The following ZSCAN31 variants were observed in gnomAD, a reference collection of about 807,000 sequenced individuals.
The protein encoded by ZSCAN31 is zinc finger and SCAN domain containing 31.
Under a neutral mutation model 22.5 loss-of-function variants are expected in ZSCAN31, and 14 were observed. That is an observed-to-expected ratio of 0.62 (90% CI 0.41 to 0.97). ZSCAN31 has a LOEUF of 0.97. Ranked by LOEUF, ZSCAN31 falls within the 50% of genes least tolerant of loss-of-function variation. ZSCAN31 has a pLI of 0.00. For synonymous variants in ZSCAN31, 168 were observed against 169.8 expected, an observed-to-expected ratio of 0.99 and a Z score of 0.08; for missense variants, 424 against 483.4, an observed-to-expected ratio of 0.88 and a Z score of 1.15.
rs1195768578 is a variant in ZSCAN31, at chr6:28,351,681, CCT to C, written c.-371+2179_-371+2180del. Among the ~76,000 whole-genome samples, 1 of 151,392 alleles carries C rather than the reference CCT, an allele frequency of 6.6e-6. No homozygotes were observed. Among genetic ancestry groups the C allele is most frequent in the Admixed American group, 6.6e-5 (1 of 15,164 alleles). ...TTCCCTTTTACTTCCTCCCTCTTTCCCTCTCTCCTTTCTTTCCCTCTCCCTCC... is the reference window on the plus strand; with the variant it reads ...TTCCCTTTTACTTCCTCCCTCTTTCCCTCTCCTTTCTTTCCCTCTCCCTCC... On this transcript the variant is annotated intron_variant, in intron 2 of 7. Coordinates refer to the ZSCAN31 transcript ENST00000396838. The surrounding 1 kb of genome is among the most constrained non-coding windows in gnomAD (Gnocchi z 4.6).
At chr6:28,344,934 A>C (rs1764575214) in intron 2 of ZSCAN31, among the ~76,000 whole-genome samples, 1 of 151,442 alleles carries the variant, frequency 6.6e-6, no homozygotes, top group Non-Finnish European at 1.5e-5. Flanking sequence ...ACTCCAGATC[A>C]GTCTGGTCAA....
At position 28,329,420 on chromosome 6, in the gene ZSCAN31, C is replaced by A; in HGVS notation, c.264G>T (p.Leu88=). 1 of 1,614,220 alleles carries A rather than the reference C, an allele frequency of 6.2e-7. No homozygotes were observed. Among genetic ancestry groups the A allele is most frequent in the Non-Finnish European group, 8.5e-7 (1 of 1,180,040 alleles). ...ILELLVLEQF[L]TILPEELQAW... is the part of the protein sequence containing the mutation. ...CCTGGAGCTCCTCAGGCAGGATAGT[C>A]AGGAATTGCTCCAGCACCAGCAGCT... is the stretch of plus-strand genomic sequence containing the variant. The change falls in exon 2 of 4, where the codon CTG becomes CTT. Residue 88 remains leucine (L), a synonymous_variant. Coordinates refer to ENST00000344279, the MANE Select transcript of ZSCAN31 (RefSeq NM_030899.5).
At chr6:28,340,929 G>T (rs184499393), upstream of ZSCAN31, among the ~76,000 whole-genome samples, 6 of 152,258 alleles carry the variant, frequency 3.9e-5, no homozygotes, top group African/African-American at 7.2e-5. Context: ...TGGTTGGCTT[G>T]CAGTGCAGGT....
chr6:28,341,423 G>T (rs1764407724), intron 3 of ZSCAN31, among the ~76,000 whole-genome samples: 1 of 152,140 alleles, frequency 6.6e-6, no homozygotes, highest in African/African-American at 2.4e-5. Context: ...TGGTGGATGG[G>T]GCAAACAGGC....
At chr6:28,345,570 G>A (rs1764610524) in intron 2 of ZSCAN31, among the ~76,000 whole-genome samples, 1 of 152,168 alleles carries the variant, frequency 6.6e-6, no homozygotes, top group Non-Finnish European at 1.5e-5. Context: ...CCCATCAGTG[G>A]CAAGTGATTC....
chr6:28,328,612 C>T (rs966367003), intron 2 of ZSCAN31, among the ~76,000 whole-genome samples: 4 of 152,248 alleles, frequency 2.6e-5, no homozygotes, highest in Non-Finnish European at 4.4e-5. Flanking sequence ...CAAACACACA[C>T]GCTGTACAAT....
At chr6:28,343,794 T>C (rs1764527518) in intron 2 of ZSCAN31, among the ~76,000 whole-genome samples, 2 of 152,108 alleles carry the variant, frequency 1.3e-5, no homozygotes, top group African/African-American at 2.4e-5. Flanking sequence ...TCCCAAAGTG[T>C]TGGGATTACA....
chr6:28,330,968 T>G (rs1763692667), intron 1 of ZSCAN31, among the ~76,000 whole-genome samples: 1 of 152,100 alleles, frequency 6.6e-6, no homozygotes. Flanking sequence ...AGGAAAGGTA[T>G]TTAAGAGCAC....
At chr6:28,348,206 T>C (rs1024344486) in intron 2 of ZSCAN31, among the ~76,000 whole-genome samples, 13 of 152,210 alleles carry the variant, frequency 8.5e-5, no homozygotes, top group Non-Finnish European at 1.6e-4. Flanking sequence ...TATCTTTTGA[T>C]ATAGTTTTAA....
intron 2 of ZSCAN31, among the ~76,000 whole-genome samples, chr6:28,343,505 A>G (rs1422697999): frequency 6.8e-6 from 1 of 147,170 alleles, no homozygotes; most frequent in Admixed American, 6.7e-5. Flanking sequence ...CTACAATGCT[A>G]TATGCTGCAT....
chr6:28,339,978 A>G (rs556784400), upstream of ZSCAN31, among the ~76,000 whole-genome samples: 8 of 148,742 alleles, frequency 5.4e-5, no homozygotes, highest in South Asian at 4.3e-4. Flanking sequence ...TTACAAGCAT[A>G]TGAACCATGT....
chr6:28,344,329 T>A (rs1304905000), intron 2 of ZSCAN31, among the ~76,000 whole-genome samples: 1 of 152,136 alleles, frequency 6.6e-6, no homozygotes, highest in Non-Finnish European at 1.5e-5. Context: ...TTATTATAGT[T>A]CTATCAGATC....
At position 28,326,028 on chromosome 6, in the gene ZSCAN31, A is replaced by T. The variant is rs921911484; in HGVS notation, c.*138T>A. The T allele has an allele frequency of 8.8e-6, 7 of 792,334 alleles. No homozygotes were observed. The highest frequency in any genetic ancestry group is 1.2e-5 in the Non-Finnish European group (6 of 491,640). 49.1% of individuals were successfully genotyped at this position (792,334 alleles called of 1,614,324 possible). On this transcript the variant is annotated 3_prime_UTR_variant, in exon 4 of 4. Coordinates refer to ENST00000344279, the MANE Select transcript of ZSCAN31 (RefSeq NM_030899.5). ...ATAAGAACAGAATAAGCCACTTGAA[A>T]ATCTTACTTTCCAAGACGGCCCCAT... is the stretch of plus-strand genomic sequence containing the variant.
rs1763284066 is a variant in ZSCAN31 at position 28,326,538 on chromosome 6, A to T, written c.849T>A (p.Asn283Lys). The T allele has an allele frequency of 6.2e-7, 1 of 1,614,054 alleles. No homozygotes were observed. Among genetic ancestry groups the T allele is most frequent in the African/African-American group, 1.3e-5 (1 of 74,910 alleles). ...CTCCAGTGTGGCTCCGCCGATGTTCATTCAGGCTTGACCTCCGGCTGAAGG... is the reference window on the plus strand; with the variant it reads ...CTCCAGTGTGGCTCCGCCGATGTTCTTTCAGGCTTGACCTCCGGCTGAAGG... ...GKAFSRRSSL[N>K]EHRRSHTGEK... The change falls in exon 4 of 4, where the codon AAT (asparagine) becomes AAA (lysine). Residue 283 changes from asparagine (N) to lysine (K), a missense_variant. Asn to Lys is a moderately conservative substitution (Grantham distance 94). Coordinates refer to ENST00000344279, the MANE Select transcript of ZSCAN31 (RefSeq NM_030899.5).
At chr6:28,327,232 G>A in intron 3 of ZSCAN31, 151 bp downstream of exon 3, 1 of 841,874 alleles carries the variant, frequency 1.2e-6, no homozygotes. Context: ...AAGGCACAGG[G>A]AGGTTACCTG....
At chr6:28,327,281 A>T in intron 3 of ZSCAN31, 102 bp downstream of exon 3, 1 of 1,398,490 alleles carries the variant, frequency 7.2e-7, no homozygotes, top group Non-Finnish European at 9.8e-7. Flanking sequence ...TGCAGCGTTT[A>T]AATTCCAACC....
Position 28,331,554 on chromosome 6 carries a change from G to A in ZSCAN31, c.-95-1776C>T, listed in dbSNP as rs1017135305. 1.3e-5 allele frequency among the ~76,000 whole-genome samples: 2 copies of A among 152,148 alleles called. No homozygotes were observed. Among genetic ancestry groups the A allele is most frequent in the African/African-American group, 4.8e-5 (2 of 41,434 alleles). ...AATTGAGAATTTGAAGAGTTACAAA[G>A]ATCATGGCATTTATTCTTTGTCAAT... On this transcript the variant is annotated intron_variant, in intron 1 of 3. Transcript: ENST00000344279. This position sits in a 1 kb window ranked among gnomAD's most constrained non-coding sequence, Gnocchi z 4.8.
chr6:28,336,699 T>C (rs1207049110), upstream of ZSCAN31: 1 of 152,206 alleles, frequency 6.6e-6, no homozygotes, highest in Admixed American at 6.5e-5. Flanking sequence ...CTTTGTTTCT[T>C]GAGAACACAG....
At chr6:28,330,055 T>C (rs1451403398) in intron 1 of ZSCAN31, among the ~76,000 whole-genome samples, 1 of 152,196 alleles carries the variant, frequency 6.6e-6, no homozygotes, top group Admixed American at 6.5e-5. Flanking sequence ...GCCAATGATA[T>C]TAGCAAATGT....
Sources: allele counts gnomAD v4.1 joint callset (sites outside exome capture counted in the v4.1 genomes callset), GRCh38; gene constraint gnomAD v4.1.1; non-coding constraint Gnocchi (gnomAD v3.1); transcripts MANE v1.5; gene names NCBI Gene and HGNC (gene_info 2026-07-23, HGNC 2026-07-21).